Variants in CDH8 observed in about 807,000 individuals in gnomAD.
CDH8 encodes the protein cadherin-8.
A neutral mutation model predicts 68.1 loss-of-function variants in CDH8; 17 were observed. That is an observed-to-expected ratio of 0.25 (90% CI 0.17 to 0.37). The LOEUF (loss-of-function observed/expected upper bound fraction) is 0.37. Among genes scored for constraint, CDH8 ranks in the 10% least tolerant of loss-of-function variants. The pLI is 1.00. For synonymous variants in CDH8, 372 were observed against 365.1 expected (o/e 1.02, Z -0.21); for missense variants, 763 against 999.3 (o/e 0.76, Z 3.19).
intron 5 of CDH8, among the ~76,000 whole-genome samples, chr16:61,824,361 C>T (rs1423157338): frequency 6.6e-6 from 1 of 151,856 alleles, no homozygotes; most frequent in Non-Finnish European, 1.5e-5. Flanking sequence ...CAAGAGTCCC[C>T]ATGTCAGAAA....
rs1371705208 is a variant in CDH8, at chr16:61,649,351, A to G, written c.*4257T>C. ...TTTCAATTTGTTGGCAGTGCGTGAG[A>G]TTATGAGATGAAAAATTAAAACTAT... is the stretch of plus-strand genomic sequence containing the variant. On this transcript the variant is annotated 3_prime_UTR_variant, in exon 12 of 12. Coordinates refer to ENST00000577390, the MANE Select transcript of CDH8 (RefSeq NM_001796.5). The G allele has an allele frequency of 6.6e-6, 1 of 151,850 alleles. No homozygotes were observed. The highest frequency in any genetic ancestry group is 1.5e-5 in the Non-Finnish European group (1 of 67,932). The allele number at this position is 151,850 out of a possible 1,614,324, so 9.4% of individuals were successfully genotyped here. A position where few individuals can be genotyped will look rare whatever the true frequency, so the allele number is the denominator to read the frequency against.
chr16:61,679,676 A>T (rs80209052), intron 10 of CDH8, among the ~76,000 whole-genome samples: 3,375 of 152,110 alleles, frequency 0.022, 67 homozygotes, highest in Non-Finnish European at 0.033. Context: ...TGTCATTGGC[A>T]TCCAAATTCC....
At chr16:61,948,084 T>C (rs942497208) in intron 2 of CDH8, among the ~76,000 whole-genome samples, 63 of 152,094 alleles carry the variant, frequency 4.1e-4, no homozygotes, top group African/African-American at 1.4e-3. Context: ...CACACAAAAA[T>C]CAATCAATCA....
rs1965150179 is a variant in CDH8 at position 61,961,292 on chromosome 16, G to C, written c.253-59819C>G. The stretch of plus-strand genomic sequence containing the variant: ...ATCGCACCACTGCTCTCCAGCCTGG[G>C]CAACAGAGTGAGACATAGTCTCAAA... On this transcript the variant is annotated intron_variant, in intron 2 of 11. Coordinates refer to ENST00000577390, the MANE Select transcript of CDH8 (RefSeq NM_001796.5). Among the ~76,000 whole-genome samples the C allele has an allele frequency of 2.0e-5, 3 of 151,940 alleles. No individual in the cohort carries two copies. In the Middle Eastern group the frequency reaches 0.01, roughly 517 times the overall value.
intron 2 of CDH8, among the ~76,000 whole-genome samples, chr16:61,906,148 A>G (rs1964057302): frequency 6.6e-6 from 1 of 152,190 alleles, no homozygotes; most frequent in African/African-American, 2.4e-5. Flanking sequence ...TATAAATGTG[A>G]CAAGAAACCA....
intron 2 of CDH8, among the ~76,000 whole-genome samples, chr16:62,004,430 T>C (rs1444276523): frequency 6.6e-6 from 1 of 152,152 alleles, no homozygotes; most frequent in African/African-American, 2.4e-5. Flanking sequence ...CCTGGACTCT[T>C]GACCAGCAGA....
chr16:61,961,159 T>C (rs545585681), intron 2 of CDH8, among the ~76,000 whole-genome samples: 1 of 152,032 alleles, frequency 6.6e-6, no homozygotes, highest in African/African-American at 2.4e-5. Flanking sequence ...CTACTAAAAA[T>C]ACAAAATTAG....
At chr16:62,003,844 T>C (rs1330578574) in intron 2 of CDH8, among the ~76,000 whole-genome samples, 1 of 152,226 alleles carries the variant, frequency 6.6e-6, no homozygotes, top group Non-Finnish European at 1.5e-5. Context: ...TCTCCTTAAA[T>C]ATTGAAAAGT....
intron 2 of CDH8, among the ~76,000 whole-genome samples, chr16:61,972,826 A>G (rs1470340200): frequency 6.6e-6 from 1 of 152,138 alleles, no homozygotes; most frequent in Non-Finnish European, 1.5e-5. Context: ...TATTTTACCC[A>G]GGTTCTTAAA....
chr16:62,000,010 G>A (rs1005946579), intron 2 of CDH8, among the ~76,000 whole-genome samples: 1 of 151,020 alleles, frequency 6.6e-6, no homozygotes, highest in Non-Finnish European at 1.5e-5. Context: ...CTCTCCCTGT[G>A]TCCATGTGTT....
chr16:61,670,371 A>C (rs2142776920), intron 10 of CDH8, among the ~76,000 whole-genome samples: 1 of 152,180 alleles, frequency 6.6e-6, no homozygotes, highest in African/African-American at 2.4e-5. Flanking sequence ...TAAATACATA[A>C]TAGGCATAAA....
chr16:61,916,828 C>T (rs1037149921), intron 2 of CDH8, among the ~76,000 whole-genome samples: 4 of 152,022 alleles, frequency 2.6e-5, no homozygotes, highest in Admixed American at 6.6e-5. Context: ...TTGGGGGACA[C>T]GTTATTAATG....
chr16:61,949,303 G>T (rs762979997), intron 2 of CDH8, among the ~76,000 whole-genome samples: 1 of 152,046 alleles, frequency 6.6e-6, no homozygotes, highest in African/African-American at 2.4e-5. Context: ...GCACCAATCA[G>T]CACTCTGTGC....
At chr16:61,714,091 A>C in intron 9 of CDH8, 133 bp from the exon 10 acceptor site, 1 of 700,784 alleles carries the variant, frequency 1.4e-6, no homozygotes, top group South Asian at 1.6e-5. Flanking sequence ...CTAAATTGTC[A>C]TGGATGGTTT....
At chr16:61,911,812 T>C (rs1349559532) in intron 2 of CDH8, among the ~76,000 whole-genome samples, 1 of 152,084 alleles carries the variant, frequency 6.6e-6, no homozygotes. Flanking sequence ...CACCCAGGTT[T>C]ATCAGCCAAA....
chr16:61,971,225 T>C (rs144500903), intron 2 of CDH8, among the ~76,000 whole-genome samples: 3,075 of 152,274 alleles, frequency 0.02, 108 homozygotes, highest in African/African-American at 0.07. Context: ...TAAACAGCTT[T>C]ATTGCTCACA....
At chr16:61,790,063 T>C (rs1408816113) in intron 7 of CDH8, among the ~76,000 whole-genome samples, 1 of 152,112 alleles carries the variant, frequency 6.6e-6, no homozygotes, top group Non-Finnish European at 1.5e-5. Context: ...GTTGATTTTA[T>C]GGTTGTTTTT....
rs1428384814 is a variant in CDH8, at chr16:61,960,148, C to CAT, written c.253-58677_253-58676dup. 1.5e-4 allele frequency among the ~76,000 whole-genome samples: 10 copies of CAT among 66,964 alleles called. 1 individual carries two copies. The highest frequency in any genetic ancestry group is 1.9e-4 in the African/African-American group (2 of 10,764). The allele number at this position is 66,964 out of a possible 152,430, so 43.9% of individuals were successfully genotyped here. A position where few individuals can be genotyped will look rare whatever the true frequency, so the allele number is the denominator to read the frequency against. On this transcript the variant is annotated intron_variant, in intron 2 of 11. Transcript: ENST00000577390. ...GTGTGTGTATACACATACATATATA[C>CAT]ATATGTGTGTGTGTATACACATACA...
intron 8 of CDH8, among the ~76,000 whole-genome samples, chr16:61,727,946 C>T (rs1451218199): frequency 1.3e-5 from 2 of 151,044 alleles, no homozygotes; most frequent in African/African-American, 4.8e-5. Flanking sequence ...CACACATACA[C>T]ACAGAAGGAG....
Sources: gnomAD v4.1 joint callset for allele counts (sites outside exome capture counted in the v4.1 genomes callset) on GRCh38, gnomAD v4.1.1 for gene constraint, MANE v1.5 for transcripts, NCBI Gene and HGNC (gene_info 2026-07-23, HGNC 2026-07-21) for gene names.